The following STAU2 variants were observed in gnomAD, a reference collection of about 807,000 sequenced individuals.
STAU2 encodes the protein double-stranded RNA-binding protein Staufen homolog 2.
A neutral mutation model predicts 65.9 loss-of-function variants in STAU2; 20 were observed. The observed-to-expected ratio is 0.30, with a 90% CI of 0.21 to 0.44. The LOEUF is 0.44. STAU2 is among the 20% of genes least tolerant of loss of function. The pLI is 1.00. For missense variants in STAU2, 558 were observed against 683.9 expected, an observed-to-expected ratio of 0.82 and a Z score of 2.05; for synonymous variants, 232 against 233.9, an observed-to-expected ratio of 0.99 and a Z score of 0.07.
At chr8:73,607,074 A>G (rs1484053112) in intron 9 of STAU2, among the ~76,000 whole-genome samples, 2 of 152,248 alleles carry the variant, frequency 1.3e-5, no homozygotes, top group Non-Finnish European at 2.9e-5. Flanking sequence ...TGGTGGTTAT[A>G]GTTTTACACA....
intron 12 of STAU2, among the ~76,000 whole-genome samples, chr8:73,554,296 G>A (rs1203252725): frequency 1.3e-5 from 2 of 152,244 alleles, no homozygotes; most frequent in Non-Finnish European, 2.9e-5. Context: ...TTAGCTTTGT[G>A]CTGGGCTGAG....
chr8:73,465,586 T>C (rs538632880), intron 13 of STAU2, among the ~76,000 whole-genome samples: 1 of 152,302 alleles, frequency 6.6e-6, no homozygotes, highest in East Asian at 1.9e-4. Context: ...TAGGAGAGTG[T>C]TTTTAACCTC....
intron 12 of STAU2, among the ~76,000 whole-genome samples, chr8:73,570,451 G>A (rs1050391533): frequency 2.6e-5 from 4 of 152,078 alleles, no homozygotes; most frequent in Admixed American, 6.5e-5. Flanking sequence ...CAGACTATGT[G>A]AATAGACCAA....
intron 6 of STAU2, among the ~76,000 whole-genome samples, chr8:73,666,117 G>A (rs1034011266): frequency 3.9e-5 from 6 of 152,128 alleles, no homozygotes; most frequent in Admixed American, 2.0e-4. Context: ...GGGGCCAACT[G>A]AATATTCAAC....
chr8:73,421,536 A>T, intron 14 of STAU2, 71 bp from the exon 15 acceptor site: 1 of 1,432,034 alleles, frequency 7.0e-7, no homozygotes, highest in Non-Finnish European at 9.5e-7. Flanking sequence ...TTATTAGCAG[A>T]TGGCACAGAG....
At chr8:73,476,000 A>G (rs1324204905) in intron 13 of STAU2, among the ~76,000 whole-genome samples, 1 of 152,224 alleles carries the variant, frequency 6.6e-6, no homozygotes, top group Non-Finnish European at 1.5e-5. Flanking sequence ...GGGCCAATAA[A>G]TTACGTGGCC....
At chr8:73,558,221 G>C (rs542243070) in intron 12 of STAU2, among the ~76,000 whole-genome samples, 4 of 152,154 alleles carry the variant, frequency 2.6e-5, no homozygotes, top group African/African-American at 9.7e-5. Context: ...GTAAATGCCC[G>C]GGGTTTGCCC....
At chr8:73,514,717 C>T (rs1173286539) in intron 13 of STAU2, among the ~76,000 whole-genome samples, 2 of 152,178 alleles carry the variant, frequency 1.3e-5, no homozygotes, top group African/African-American at 4.8e-5. Context: ...ATTTCTGGCA[C>T]AAAATCTTAC....
intron 11 of STAU2, among the ~76,000 whole-genome samples, chr8:73,584,748 A>AG (rs1810240333): frequency 6.6e-6 from 1 of 152,232 alleles, no homozygotes; most frequent in Non-Finnish European, 1.5e-5. Context: ...AGAGTTTGGA[A>AG]CTATTAAGAA....
chr8:73,454,418 CAT>C (rs1818957198), intron 13 of STAU2, among the ~76,000 whole-genome samples: 2 of 152,226 alleles, frequency 1.3e-5, no homozygotes, highest in Non-Finnish European at 2.9e-5. Context: ...CTTCAACTCA[CAT>C]AGTTACTTTT....
intron 13 of STAU2, among the ~76,000 whole-genome samples, chr8:73,515,101 C>T (rs1032670717): frequency 6.6e-6 from 1 of 152,008 alleles, no homozygotes; most frequent in Non-Finnish European, 1.5e-5. Flanking sequence ...CCTCTGAAAG[C>T]AGCAGTAGTA....
chr8:73,723,127 T>C (rs909148835), intron 3 of STAU2, among the ~76,000 whole-genome samples: 9 of 147,768 alleles, frequency 6.1e-5, no homozygotes, highest in East Asian at 2.0e-4. Context: ...CACACACACA[T>C]ACACACACAC....
intron 9 of STAU2, among the ~76,000 whole-genome samples, chr8:73,606,431 G>A (rs541740380): frequency 6.6e-6 from 1 of 151,958 alleles, no homozygotes; most frequent in African/African-American, 2.4e-5. Context: ...TGTTAAGCTG[G>A]CAAAAAATTT....
intron 4 of STAU2, among the ~76,000 whole-genome samples, chr8:73,700,245 C>T (rs554573599): frequency 1.3e-5 from 2 of 152,212 alleles, no homozygotes; most frequent in East Asian, 3.9e-4. Context: ...AAAGCCTTTC[C>T]TCTTAGGTCT....
chr8:73,595,301 A>AT lies in STAU2; in HGVS notation c.1030-5dup. ...CAACTTCATTGCCTACCTTCACCTG[A>AT]TAAGATTAAAGAAATAAATTAAAGA... On this transcript the variant is annotated splice_region_variant and splice_polypyrimidine_tract_variant and intron_variant, in intron 10 of 14. Coordinates refer to ENST00000524300, the MANE Select transcript of STAU2 (RefSeq NM_001164380.2). The AT allele has an allele frequency of 6.3e-7, 1 of 1,580,890 alleles. No homozygotes were observed. Among genetic ancestry groups the AT allele is most frequent in the Non-Finnish European group, 8.6e-7 (1 of 1,169,188 alleles).
intron 6 of STAU2, among the ~76,000 whole-genome samples, chr8:73,648,089 T>C (rs760665321): frequency 2.0e-5 from 3 of 152,198 alleles, no homozygotes; most frequent in Non-Finnish European, 1.5e-5. Context: ...GAATCTCTAA[T>C]TATTTCTAAA....
At chr8:73,601,192 T>C (rs1044612733) in intron 10 of STAU2, among the ~76,000 whole-genome samples, 4 of 152,184 alleles carry the variant, frequency 2.6e-5, no homozygotes, top group African/African-American at 9.6e-5. Flanking sequence ...CTCAAAAACC[T>C]AAGAAACTAA....
At position 73,595,090 on chromosome 8, in the gene STAU2, T is replaced by C. The variant is rs142885028; in HGVS notation, c.1161+76A>G. On this transcript the variant is annotated intron_variant, in intron 11 of 14. Coordinates refer to ENST00000524300, the MANE Select transcript of STAU2 (RefSeq NM_001164380.2). ...GTTAAAATTGACATTTACTTTAATA[T>C]CAGTTAAGATCAAAATTTATTAATC... The C allele has an allele frequency of 1.6e-4, 204 of 1,259,820 alleles. 1 individual carries two copies. The East Asian group carries it at 4.7e-3, about 29-fold the overall frequency. The allele number at this position is 1,259,820 out of a possible 1,614,324, so 78.0% of individuals were successfully genotyped here. A position where few individuals can be genotyped will look rare whatever the true frequency, so the allele number is the denominator to read the frequency against.
At chr8:73,603,638 T>C in intron 10 of STAU2, 88 bp downstream of exon 10, 1 of 1,503,260 alleles carries the variant, frequency 6.7e-7, no homozygotes, top group Non-Finnish European at 8.9e-7. Context: ...CTTTCTGCTC[T>C]TAAGTCCTAG....
Sources: gnomAD v4.1 joint callset for allele counts (sites outside exome capture counted in the v4.1 genomes callset) on GRCh38, gnomAD v4.1.1 for gene constraint, MANE v1.5 for transcripts, NCBI Gene and HGNC (gene_info 2026-07-23, HGNC 2026-07-21) for gene names.